JAM2: variants seen among roughly 807,000 people sequenced by gnomAD.
JAM2 encodes junctional adhesion molecule B.
JAM2 carries 17 observed loss-of-function variants against 42.0 expected under a neutral mutation model. The observed-to-expected ratio is 0.40, with a 90% CI of 0.28 to 0.61. The LOEUF (loss-of-function observed/expected upper bound fraction) is 0.61, where lower values mean the gene tolerates loss of function less well. JAM2 is among the 20% of genes least tolerant of loss of function. JAM2 has a pLI of 0.37. For synonymous variants in JAM2, 118 were observed against 128.6 expected (o/e 0.92, Z 0.56); for missense variants, 319 against 358.3 (o/e 0.89, Z 0.89).
intron 6 of JAM2, among the ~76,000 whole-genome samples, 172 bp from the exon 7 acceptor site, chr21:25,705,807 C>T (rs1291415090): frequency 6.6e-6 from 1 of 152,118 alleles, no homozygotes; most frequent in African/African-American, 2.4e-5. Flanking sequence ...TATTTTTAAT[C>T]AATTTTGAAC....
chr21:25,694,012 G>A (rs1301938788), intron 4 of JAM2, 104 bp downstream of exon 4: 5 of 1,103,394 alleles, frequency 4.5e-6, no homozygotes, highest in Non-Finnish European at 6.5e-6. Flanking sequence ...CATCAACTGG[G>A]AGCCTCAACC....
At chr21:25,650,423 G>A (rs1346585918) in intron 1 of JAM2, among the ~76,000 whole-genome samples, 1 of 152,230 alleles carries the variant, frequency 6.6e-6, no homozygotes, top group African/African-American at 2.4e-5. Flanking sequence ...TTCAGCATTA[G>A]GCAAATGCCA....
intron 1 of JAM2, among the ~76,000 whole-genome samples, chr21:25,640,902 T>C (rs552026638): frequency 2.0e-5 from 3 of 152,274 alleles, no homozygotes; most frequent in African/African-American, 4.8e-5. Flanking sequence ...GTAACACTTA[T>C]AATACTTAAC....
At chr21:25,641,466 A>AAC (rs1159909021) in intron 1 of JAM2, among the ~76,000 whole-genome samples, 1 of 152,306 alleles carries the variant, frequency 6.6e-6, no homozygotes, top group East Asian at 1.9e-4. Flanking sequence ...AGGTAAATAT[A>AAC]ACACATTGTC....
At chr21:25,661,927 T>G (rs1251398551) in intron 1 of JAM2, among the ~76,000 whole-genome samples, 1 of 151,948 alleles carries the variant, frequency 6.6e-6, no homozygotes, top group Non-Finnish European at 1.5e-5. Context: ...AAAAAATAAT[T>G]GCAGAACATG....
intron 6 of JAM2, among the ~76,000 whole-genome samples, chr21:25,705,413 T>A (rs1044466890): frequency 6.6e-6 from 1 of 152,028 alleles, no homozygotes; most frequent in African/African-American, 2.4e-5. Context: ...TTAATTTTTT[T>A]ATTTTTTAGA....
At chr21:25,648,450 TTGTGTG>T (rs61479815) in intron 1 of JAM2, among the ~76,000 whole-genome samples, 4 of 148,488 alleles carry the variant, frequency 2.7e-5, no homozygotes, top group African/African-American at 7.4e-5. Context: ...TGCCGTGTGT[TTGTGTG>T]TGTGTGTGTG....
chr21:25,673,399 C>A (rs2033405971), intron 1 of JAM2, among the ~76,000 whole-genome samples: 1 of 152,132 alleles, frequency 6.6e-6, no homozygotes, highest in African/African-American at 2.4e-5. Context: ...CATCAGTAGT[C>A]CCTCTTATAC....
chr21:25,657,706 G>A (rs1161389671), intron 1 of JAM2, among the ~76,000 whole-genome samples: 1 of 152,054 alleles, frequency 6.6e-6, no homozygotes. Context: ...TCCCTCATTT[G>A]TTAAATGAAA....
At chr21:25,687,803 C>T (rs973381575) in intron 2 of JAM2, among the ~76,000 whole-genome samples, 3 of 152,134 alleles carry the variant, frequency 2.0e-5, no homozygotes, top group African/African-American at 7.2e-5. Flanking sequence ...CAAATATCAC[C>T]TTCTAAATAA....
At chr21:25,656,795 CAG>C (rs1178482469) in intron 1 of JAM2, among the ~76,000 whole-genome samples, 1 of 152,156 alleles carries the variant, frequency 6.6e-6, no homozygotes, top group East Asian at 1.9e-4. Context: ...GATATATATT[CAG>C]AGTCCTAATA....
chr21:25,658,726 G>A (rs2033004101), intron 1 of JAM2, among the ~76,000 whole-genome samples: 1 of 152,090 alleles, frequency 6.6e-6, no homozygotes, highest in Non-Finnish European at 1.5e-5. Context: ...AACAAAATTA[G>A]CATTTGAATG....
In JAM2 at chr21:25,716,027, C is replaced by T. The variant is rs1174872679; in HGVS notation, c.*1355C>T. 4 of 142,700 alleles carry T rather than the reference C, an allele frequency of 2.8e-5. No individual in the cohort carries two copies. Among genetic ancestry groups the T allele is most frequent in the African/African-American group, 1.0e-4 (4 of 39,006 alleles). 8.8% of individuals were successfully genotyped at this position (142,700 alleles called of 1,614,324 possible). On this transcript the variant is annotated 3_prime_UTR_variant, in exon 10 of 10. Coordinates refer to ENST00000480456, the MANE Select transcript of JAM2 (RefSeq NM_021219.4). ...TTTGAGACGGAGTCTCACTCTGTCG[C>T]CCAGGCTGGAGTACAGTGGCACAAT...
At chr21:25,675,309 A>G (rs1189209489) in intron 1 of JAM2, among the ~76,000 whole-genome samples, 3 of 152,238 alleles carry the variant, frequency 2.0e-5, no homozygotes, top group Middle Eastern at 3.4e-3. Flanking sequence ...CACCCTGGCC[A>G]ACATGGTGAA....
intron 1 of JAM2, among the ~76,000 whole-genome samples, chr21:25,646,629 C>T (rs1206319756): frequency 1.3e-5 from 2 of 151,916 alleles, no homozygotes; most frequent in African/African-American, 4.8e-5. Flanking sequence ...TGGATGTGTG[C>T]TCAGATAAAT....
chr21:25,689,385 G>T (rs1373070918), intron 2 of JAM2, among the ~76,000 whole-genome samples: 1 of 152,100 alleles, frequency 6.6e-6, no homozygotes, highest in Non-Finnish European at 1.5e-5. Context: ...GCCTTTCTTG[G>T]GTACTAAGCA....
At chr21:25,670,399 C>T (rs982816894) in intron 1 of JAM2, among the ~76,000 whole-genome samples, 15 of 151,850 alleles carry the variant, frequency 9.9e-5, no homozygotes, top group African/African-American at 1.5e-4. Context: ...GTGCAGTGAT[C>T]GCTGGAGCCC....
chr21:25,708,002 C>T (rs1305329666), intron 7 of JAM2, among the ~76,000 whole-genome samples: 4 of 151,888 alleles, frequency 2.6e-5, no homozygotes, highest in African/African-American at 9.7e-5. Context: ...CATACCACCA[C>T]ACCTGGCTAA....
At chr21:25,645,670 T>C (rs1008522526) in intron 1 of JAM2, among the ~76,000 whole-genome samples, 2 of 152,228 alleles carry the variant, frequency 1.3e-5, no homozygotes, top group Non-Finnish European at 2.9e-5. Context: ...AATGATGCGA[T>C]GTGTTCTGAG....
Sources: allele counts gnomAD v4.1 joint callset (sites outside exome capture counted in the v4.1 genomes callset), GRCh38; gene constraint gnomAD v4.1.1; transcripts MANE v1.5; gene names NCBI Gene and HGNC (gene_info 2026-07-23, HGNC 2026-07-21).